Variants in LINGO2 observed in about 807,000 individuals in gnomAD.
LINGO2 encodes leucine-rich repeat and immunoglobulin-like domain-containing nogo receptor-interacting protein 2.
A neutral mutation model predicts 30.6 loss-of-function variants in LINGO2; 14 were observed. The observed-to-expected ratio is 0.46, with a 90% confidence interval of 0.30 to 0.72. The LOEUF is 0.72. LINGO2 is among the 30% of genes least tolerant of loss of function. The pLI is 0.07. For synonymous variants in LINGO2, 317 were observed against 288.5 expected, an observed-to-expected ratio of 1.10 and a Z score of -1.00; for missense variants, 729 against 751.7, an observed-to-expected ratio of 0.97 and a Z score of 0.35.
At chr9:28,189,349 AAGGAAGGG>A (rs1819682509) in intron 4 of LINGO2, among the ~76,000 whole-genome samples, 3 of 11,220 alleles carry the variant, frequency 2.7e-4, no homozygotes, top group Admixed American at 1.0e-3. Context: ...GGAAGGGAGG[AAGGAAGGG>A]AGGGAGGGAG....
chr9:28,851,582 G>A, the LINGO2 span, among the ~76,000 whole-genome samples: 6,368 of 152,076 alleles, frequency 0.042, 415 homozygotes, highest in African/African-American at 0.14. Context: ...TCTATGAGGA[G>A]CCATGATTCT....
chr9:29,058,984 AAC>A, the LINGO2 span, among the ~76,000 whole-genome samples: 1 of 152,006 alleles, frequency 6.6e-6, no homozygotes, highest in Non-Finnish European at 1.5e-5. Flanking sequence ...CTACAAATAA[AAC>A]AGTTGTAGTT....
chr9:28,509,937 T>A (rs1024570934), intron 1 of LINGO2, among the ~76,000 whole-genome samples: 3 of 152,252 alleles, frequency 2.0e-5, no homozygotes, highest in Non-Finnish European at 4.4e-5. Flanking sequence ...AATAGCACTA[T>A]ACTAACATTA....
At chr9:28,902,177 T>G in the LINGO2 span, among the ~76,000 whole-genome samples, 1 of 152,140 alleles carries the variant, frequency 6.6e-6, no homozygotes. Flanking sequence ...GAAAAAATAT[T>G]TCATGCAAAT....
At chr9:28,583,611 C>A (rs1824378261) in intron 1 of LINGO2, among the ~76,000 whole-genome samples, 1 of 151,892 alleles carries the variant, frequency 6.6e-6, no homozygotes, top group Non-Finnish European at 1.5e-5. Context: ...AAAAATTTTT[C>A]TTTTATGAAT....
At chr9:28,436,680 A>G (rs1823952023) in intron 2 of LINGO2, among the ~76,000 whole-genome samples, 1 of 152,126 alleles carries the variant, frequency 6.6e-6, no homozygotes, top group South Asian at 2.1e-4. Context: ...GATGGTCTCG[A>G]TCTCCTGACC....
the LINGO2 span, among the ~76,000 whole-genome samples, chr9:28,760,823 T>A: frequency 6.6e-6 from 1 of 151,862 alleles, no homozygotes; most frequent in Non-Finnish European, 1.5e-5. Flanking sequence ...TCACTGCAAA[T>A]GCTGTTAATT....
chr9:28,301,912 G>A (rs1824160768), intron 3 of LINGO2, among the ~76,000 whole-genome samples: 1 of 152,050 alleles, frequency 6.6e-6, no homozygotes, highest in African/African-American at 2.4e-5. Context: ...GAAGAGATTG[G>A]GGGCCTATAT....
intron 4 of LINGO2, among the ~76,000 whole-genome samples, chr9:28,273,260 G>C (rs1273153139): frequency 6.6e-6 from 1 of 152,110 alleles, no homozygotes; most frequent in Non-Finnish European, 1.5e-5. Context: ...ATTGAATGCA[G>C]CCTCAATAAA....
the LINGO2 span, among the ~76,000 whole-genome samples, chr9:28,685,194 G>C: frequency 6.6e-6 from 1 of 152,114 alleles, no homozygotes; most frequent in Non-Finnish European, 1.5e-5. Flanking sequence ...ATTCCATGCT[G>C]TATTTGTACC....
chr9:28,436,442 ATTTATTTAT>A (rs1189577500), intron 2 of LINGO2, among the ~76,000 whole-genome samples: 1 of 145,542 alleles, frequency 6.9e-6, no homozygotes, highest in South Asian at 2.1e-4. Flanking sequence ...TTATTTATTT[ATTTATTTAT>A]TTATTTATTT....
chr9:29,135,419 A>G, the LINGO2 span, among the ~76,000 whole-genome samples: 78 of 152,026 alleles, frequency 5.1e-4, no homozygotes, highest in African/African-American at 1.8e-3. Context: ...TTAGCCAGGC[A>G]TGGTGGCATG....
intron 1 of LINGO2, among the ~76,000 whole-genome samples, chr9:28,558,152 T>G (rs962033584): frequency 6.8e-6 from 1 of 146,180 alleles, no homozygotes; most frequent in African/African-American, 2.6e-5. Context: ...ATAATAAAAA[T>G]AAAAATAGAA....
the LINGO2 span, among the ~76,000 whole-genome samples, chr9:28,925,953 TA>T: frequency 6.6e-6 from 1 of 152,154 alleles, no homozygotes; most frequent in Non-Finnish European, 1.5e-5. Flanking sequence ...ATGGGGACCC[TA>T]AAAAGGCAGT....
chr9:29,170,178 T>C, the LINGO2 span, among the ~76,000 whole-genome samples: 1 of 152,112 alleles, frequency 6.6e-6, no homozygotes, highest in Admixed American at 6.5e-5. Context: ...CTATTCACAA[T>C]AACAAAGTCA....
chr9:28,754,005 TACACACACACAAAC>T, the LINGO2 span, among the ~76,000 whole-genome samples: 17 of 109,840 alleles, frequency 1.5e-4, 1 homozygote, highest in East Asian at 4.1e-3. Flanking sequence ...TAAATGAGAA[TACACACACACAAAC>T]ACACACACAC....
chr9:28,428,827 C>T (rs1383963234), intron 2 of LINGO2, among the ~76,000 whole-genome samples: 1 of 152,042 alleles, frequency 6.6e-6, no homozygotes, highest in African/African-American at 2.4e-5. Context: ...TTCTCACCTG[C>T]ATAATAATGA....
intron 4 of LINGO2, among the ~76,000 whole-genome samples, chr9:28,259,240 G>T (rs1822484922): frequency 1.3e-5 from 2 of 151,930 alleles, no homozygotes; most frequent in African/African-American, 4.8e-5. Flanking sequence ...CCACAGAGGT[G>T]CCTAAATTTA....
intron 4 of LINGO2, among the ~76,000 whole-genome samples, chr9:28,224,315 C>T (rs538639635): frequency 1.5e-4 from 23 of 152,172 alleles, no homozygotes; most frequent in African/African-American, 3.9e-4. Flanking sequence ...TTGCCCGCCT[C>T]GGCCTCCCAA....
Sources: allele counts gnomAD v4.1 joint callset (sites outside exome capture counted in the v4.1 genomes callset), GRCh38; gene constraint gnomAD v4.1.1; transcripts MANE v1.5; gene names NCBI Gene and HGNC (gene_info 2026-07-23, HGNC 2026-07-21).